Variants in ATP6V0D2 observed in about 807,000 individuals in gnomAD.
ATP6V0D2 encodes the protein ATPase H+ transporting V0 subunit d2, also known as V-type proton ATPase subunit d 2.
ATP6V0D2 carries 40 observed loss-of-function variants against 40.0 expected under a neutral mutation model. The ratio of observed to expected loss-of-function variants is 1.00; its 90% CI spans 0.78 to 1.30. The LOEUF (loss-of-function observed/expected upper bound fraction) is 1.30. ATP6V0D2 is among the 50% of genes most tolerant of loss of function. The probability of loss-of-function intolerance (pLI) is 0.00; values close to 1 mark genes in which losing one functional copy is unlikely to be tolerated. For missense variants in ATP6V0D2, 470 were observed against 423.1 expected, an observed-to-expected ratio of 1.11 and a Z score of -0.97; for synonymous variants, 179 against 156.3, an observed-to-expected ratio of 1.15 and a Z score of -1.08.
chr8:86,113,897 A>C lies in ATP6V0D2; in HGVS notation c.302+17A>C. 1 of 1,600,532 alleles carries C rather than the reference A, an allele frequency of 6.2e-7. No individual in the cohort carries two copies. The highest frequency in any genetic ancestry group is 8.5e-7 in the Non-Finnish European group (1 of 1,172,684). ...CTATATGACGTAAGTGATGACAGAA[A>C]GCCCTAATAAGCCCCAATGTACTCG... On this transcript the variant is annotated intron_variant, in intron 2 of 7. Coordinates refer to ENST00000285393, the MANE Select transcript of ATP6V0D2 (RefSeq NM_152565.1).
At chr8:86,140,104 C>T (rs1420828040) in intron 3 of ATP6V0D2, among the ~76,000 whole-genome samples, 1 of 152,100 alleles carries the variant, frequency 6.6e-6, no homozygotes, top group African/African-American at 2.4e-5. Flanking sequence ...TTAAAAATGT[C>T]ATTTTTCTGA....
intron 2 of ATP6V0D2, among the ~76,000 whole-genome samples, chr8:86,117,315 G>T (rs1475831571): frequency 6.6e-6 from 1 of 152,076 alleles, no homozygotes; most frequent in Non-Finnish European, 1.5e-5. Context: ...CTATTTATTT[G>T]TTGTTACACA....
chr8:86,147,870 C>A (rs192423256), intron 5 of ATP6V0D2, among the ~76,000 whole-genome samples: 1 of 152,176 alleles, frequency 6.6e-6, no homozygotes, highest in African/African-American at 2.4e-5. Context: ...AAGGAGGTAG[C>A]GAGAAGATGG....
At position 86,113,926 on chromosome 8, in the gene ATP6V0D2, G is replaced by A. The variant is rs201420809; in HGVS notation, c.302+46G>A. 65 of 1,532,202 alleles carry A rather than the reference G, an allele frequency of 4.2e-5. No individual in the cohort carries two copies. The Admixed American group carries it at 6.9e-4, about 16-fold the overall frequency. 94.9% of individuals were successfully genotyped at this position (1,532,202 alleles called of 1,614,324 possible). A position where few individuals can be genotyped will look rare whatever the true frequency, so the allele number is the denominator to read the frequency against. ...CTAATAAGCCCCAATGTACTCGTGC[G>A]GATGACCCCTAACAATTACAGGGTG... is the stretch of plus-strand genomic sequence containing the variant. On this transcript the variant is annotated intron_variant, in intron 2 of 7. Transcript: ENST00000285393.
intron 2 of ATP6V0D2, among the ~76,000 whole-genome samples, chr8:86,119,090 T>G (rs1044039951): frequency 1.3e-5 from 2 of 152,156 alleles, no homozygotes; most frequent in African/African-American, 4.8e-5. Context: ...TACTTTGGGA[T>G]TGGGAAACAA....
intron 2 of ATP6V0D2, among the ~76,000 whole-genome samples, chr8:86,136,959 C>T (rs1227187518): frequency 6.6e-6 from 1 of 152,140 alleles, no homozygotes; most frequent in Non-Finnish European, 1.5e-5. Flanking sequence ...GCCTCCTCCC[C>T]CTCAGCACTT....
intron 1 of ATP6V0D2, among the ~76,000 whole-genome samples, chr8:86,102,002 G>A (rs1414228588): frequency 6.6e-6 from 1 of 152,174 alleles, no homozygotes; most frequent in African/African-American, 2.4e-5. Flanking sequence ...AGAATTTCAT[G>A]TCCTCTGTTA....
At chr8:86,111,028 A>G (rs1818523183) in intron 1 of ATP6V0D2, among the ~76,000 whole-genome samples, 1 of 152,100 alleles carries the variant, frequency 6.6e-6, no homozygotes, top group Non-Finnish European at 1.5e-5. Flanking sequence ...AAAATACAAT[A>G]AATTGTTATT....
intron 1 of ATP6V0D2, among the ~76,000 whole-genome samples, chr8:86,104,419 C>T (rs1459605032): frequency 6.6e-6 from 1 of 152,014 alleles, no homozygotes; most frequent in Non-Finnish European, 1.5e-5. Context: ...TGAGGAAGCA[C>T]TCTAAAAGGA....
At chr8:86,138,538 C>T (rs1818927288) in intron 2 of ATP6V0D2, among the ~76,000 whole-genome samples, 2 of 152,178 alleles carry the variant, frequency 1.3e-5, no homozygotes, top group Non-Finnish European at 2.9e-5. Flanking sequence ...CCGAGCAGAG[C>T]TTATACCAAA....
chr8:86,123,793 C>A (rs569221924), intron 2 of ATP6V0D2, among the ~76,000 whole-genome samples: 2 of 152,266 alleles, frequency 1.3e-5, no homozygotes, highest in South Asian at 4.1e-4. Context: ...ATCTCACCAT[C>A]AATTGACATA....
intron 2 of ATP6V0D2, among the ~76,000 whole-genome samples, chr8:86,139,184 G>A (rs1453479980): frequency 6.6e-6 from 1 of 151,010 alleles, no homozygotes; most frequent in African/African-American, 2.4e-5. Flanking sequence ...GCCAAGATTG[G>A]GCCACTGCAC....
At chr8:86,113,024 C>G (rs1196433323) in intron 1 of ATP6V0D2, among the ~76,000 whole-genome samples, 1 of 152,128 alleles carries the variant, frequency 6.6e-6, no homozygotes, top group Non-Finnish European at 1.5e-5. Flanking sequence ...ATACATTTAT[C>G]TTTTCCATCA....
At chr8:86,145,360 A>T (rs1203297827) in intron 5 of ATP6V0D2, among the ~76,000 whole-genome samples, 1 of 121,700 alleles carries the variant, frequency 8.2e-6, no homozygotes, top group East Asian at 2.3e-4. Context: ...GAAGGAAGGA[A>T]GGAAGGAAGG....
intron 2 of ATP6V0D2, among the ~76,000 whole-genome samples, chr8:86,124,035 T>A (rs1475924777): frequency 6.6e-6 from 1 of 152,196 alleles, no homozygotes; most frequent in East Asian, 1.9e-4. Flanking sequence ...AAATTTCTAA[T>A]AATATGAAAT....
At chr8:86,112,849 G>A (rs990295981) in intron 1 of ATP6V0D2, among the ~76,000 whole-genome samples, 2 of 152,134 alleles carry the variant, frequency 1.3e-5, no homozygotes, top group South Asian at 2.1e-4. Flanking sequence ...ACGATGCTGG[G>A]TTATAAGAAT....
At chr8:86,130,409 C>T (rs1378789172) in intron 2 of ATP6V0D2, among the ~76,000 whole-genome samples, 10 of 152,128 alleles carry the variant, frequency 6.6e-5, no homozygotes, top group Admixed American at 6.5e-4. Flanking sequence ...TATGGAAACT[C>T]TCTGTACCAT....
rs937164858 is a variant in ATP6V0D2, at chr8:86,121,524, C to T, written c.302+7644C>T. Among the ~76,000 whole-genome samples the T allele has an allele frequency of 6.0e-5, 9 of 151,120 alleles. No individual in the cohort carries two copies. The East Asian group carries it at 1.2e-3, about 20-fold the overall frequency. On this transcript the variant is annotated intron_variant, in intron 2 of 7. Transcript: ENST00000285393. ...AGTGGAGGTTGCAGTGAGCTGAGAT[C>T]GTGCCACTGCACTCCAGCCTGGGTG...
intron 1 of ATP6V0D2, among the ~76,000 whole-genome samples, chr8:86,102,180 T>C (rs1818408598): frequency 6.6e-6 from 1 of 152,178 alleles, no homozygotes; most frequent in African/African-American, 2.4e-5. Flanking sequence ...GTCCACTCCA[T>C]TTTGAAACAG....
Sources: gnomAD v4.1 joint callset for allele counts (sites outside exome capture counted in the v4.1 genomes callset) on GRCh38, gnomAD v4.1.1 for gene constraint, MANE v1.5 for transcripts, NCBI Gene and HGNC (gene_info 2026-07-23, HGNC 2026-07-21) for gene names.